MTUS2: variants seen among roughly 807,000 people sequenced by gnomAD.
The protein encoded by MTUS2 is microtubule associated scaffold protein 2.
Under a neutral mutation model 114.1 loss-of-function variants are expected in MTUS2, and 40 were observed. The ratio of observed to expected loss-of-function variants is 0.35; its 90% CI spans 0.27 to 0.46. The LOEUF is 0.46. MTUS2 is among the 20% of genes least tolerant of loss of function. The pLI is 1.00. For missense variants in MTUS2, 1,679 were observed against 1,705.4 expected (o/e 0.98, Z 0.27); for synonymous variants, 688 against 672.0 (o/e 1.02, Z -0.37).
chr13:29,001,923 G>T (rs1194008931), intron 2 of MTUS2, among the ~76,000 whole-genome samples: 2 of 152,122 alleles, frequency 1.3e-5, no homozygotes, highest in Admixed American at 1.3e-4. Context: ...AAGCATTCAG[G>T]TCGCCTCTGT....
intron 5 of MTUS2, among the ~76,000 whole-genome samples, chr13:29,116,735 A>G (rs1209076892): frequency 6.6e-6 from 1 of 152,194 alleles, no homozygotes; most frequent in African/African-American, 2.4e-5. Flanking sequence ...TGAGATGGCT[A>G]TTAAGTGACT....
At chr13:29,077,486 G>A (rs1486639235) in intron 4 of MTUS2, among the ~76,000 whole-genome samples, 1 of 152,088 alleles carries the variant, frequency 6.6e-6, no homozygotes, top group African/African-American at 2.4e-5. Context: ...AGGAAAACAT[G>A]GCCCTTGAAT....
intron 5 of MTUS2, among the ~76,000 whole-genome samples, chr13:29,114,080 G>C (rs1890987588): frequency 6.6e-6 from 1 of 152,046 alleles, no homozygotes; most frequent in Non-Finnish European, 1.5e-5. Context: ...ATGATTGGAA[G>C]CTTCCTGAGG....
intron 9 of MTUS2, among the ~76,000 whole-genome samples, chr13:29,447,971 A>G (rs1462302636): frequency 6.6e-6 from 1 of 152,158 alleles, no homozygotes; most frequent in African/African-American, 2.4e-5. Context: ...ATGTATTTGT[A>G]AGCACTGAAA....
At chr13:28,984,141 G>A (rs919229100) in intron 2 of MTUS2, among the ~76,000 whole-genome samples, 1 of 152,282 alleles carries the variant, frequency 6.6e-6, no homozygotes, top group Non-Finnish European at 1.5e-5. Context: ...AGTTAAGGAC[G>A]ATAGCTGAGC....
rs570720852 is a variant in MTUS2, at chr13:29,405,294, T to G, written c.3118-34689T>G. ...GGAGCATTTTGATTTGCTTCTTAATTAAATCATTTACCAGAAACTAAACAG... is the reference window on the plus strand; with the variant it reads ...GGAGCATTTTGATTTGCTTCTTAATGAAATCATTTACCAGAAACTAAACAG... On this transcript the variant is annotated intron_variant, in intron 8 of 15. Transcript: ENST00000612955. Among the ~76,000 whole-genome samples the G allele has an allele frequency of 2.8e-4, 42 of 152,346 alleles. No individual in the cohort carries two copies. In the South Asian group the frequency reaches 8.7e-3, roughly 32 times the overall value.
intron 5 of MTUS2, among the ~76,000 whole-genome samples, chr13:29,233,853 T>C (rs1034711593): frequency 9.2e-5 from 14 of 152,224 alleles, no homozygotes; most frequent in African/African-American, 3.4e-4. Flanking sequence ...CAGAAGGTTA[T>C]TCTCATCTGA....
At chr13:29,416,042 A>C (rs1875632648) in intron 8 of MTUS2, among the ~76,000 whole-genome samples, 1 of 149,520 alleles carries the variant, frequency 6.7e-6, no homozygotes, top group East Asian at 2.0e-4. Flanking sequence ...CAGCCTCCCG[A>C]GTAGCTGGGA....
chr13:29,038,837 C>T (rs1887204740), intron 4 of MTUS2, among the ~76,000 whole-genome samples: 1 of 152,228 alleles, frequency 6.6e-6, no homozygotes, highest in South Asian at 2.1e-4. Flanking sequence ...GCTTTGTTTA[C>T]ACTGTAAGGG....
chr13:29,263,403 T>C (rs1897549579), intron 5 of MTUS2, among the ~76,000 whole-genome samples: 1 of 152,194 alleles, frequency 6.6e-6, no homozygotes. Flanking sequence ...ACCTTCTGGC[T>C]TAGTTAGAAG....
chr13:29,024,668 C>T lies in MTUS2; in HGVS notation c.-31C>T. ...AGCCCATTTCCATTAAGTAGGACTGCATGGCAAGCAGCCCCACCAAAGGGT... is the reference window on the plus strand; with the variant it reads ...AGCCCATTTCCATTAAGTAGGACTGTATGGCAAGCAGCCCCACCAAAGGGT... On this transcript the variant is annotated 5_prime_UTR_variant, in exon 3 of 16. Coordinates refer to ENST00000612955, the MANE Select transcript of MTUS2 (RefSeq NM_001033602.4). 1 of 1,606,038 alleles carries T rather than the reference C, an allele frequency of 6.2e-7. No individual in the cohort carries two copies. Among genetic ancestry groups the T allele is most frequent in the Non-Finnish European group, 8.5e-7 (1 of 1,176,332 alleles).
chr13:29,452,538 A>T (rs1419702437), intron 9 of MTUS2, among the ~76,000 whole-genome samples: 4 of 149,916 alleles, frequency 2.7e-5, no homozygotes. Flanking sequence ...CTACAGGTGT[A>T]TGCTACTACA....
intron 4 of MTUS2, among the ~76,000 whole-genome samples, chr13:29,099,686 A>G (rs1010450746): frequency 3.9e-5 from 6 of 152,234 alleles, no homozygotes; most frequent in Non-Finnish European, 5.9e-5. Flanking sequence ...AATGGGCAGT[A>G]TATAGGCACT....
At chr13:29,151,366 C>T (rs535361017) in intron 5 of MTUS2, among the ~76,000 whole-genome samples, 7 of 151,736 alleles carry the variant, frequency 4.6e-5, no homozygotes, top group Middle Eastern at 6.8e-3. Flanking sequence ...ATAAAAATAC[C>T]ACCGGTTTTT....
intron 2 of MTUS2, among the ~76,000 whole-genome samples, chr13:28,935,126 A>G (rs1881834204): frequency 1.4e-5 from 2 of 148,014 alleles, no homozygotes. Flanking sequence ...TCAGCACATG[A>G]CATTTTGTAG....
chr13:28,890,699 AT>A (rs1235477479), intron 2 of MTUS2, among the ~76,000 whole-genome samples: 1 of 152,214 alleles, frequency 6.6e-6, no homozygotes, highest in Non-Finnish European at 1.5e-5. Flanking sequence ...TTAGTGGGAT[AT>A]TTTTATGCTA....
intron 5 of MTUS2, among the ~76,000 whole-genome samples, chr13:29,243,776 G>A (rs1012255327): frequency 3.9e-5 from 6 of 152,184 alleles, no homozygotes; most frequent in East Asian, 1.9e-4. Flanking sequence ...GGGGGATGCC[G>A]TTGAAGAACA....
intron 5 of MTUS2, among the ~76,000 whole-genome samples, chr13:29,176,255 G>A (rs1893768111): frequency 6.6e-6 from 1 of 152,064 alleles, no homozygotes; most frequent in Non-Finnish European, 1.5e-5. Flanking sequence ...GCTCCCCATT[G>A]GCTCTTGGTT....
intron 6 of MTUS2, among the ~76,000 whole-genome samples, chr13:29,315,013 A>C (rs1899928897): frequency 6.6e-6 from 1 of 152,224 alleles, no homozygotes; most frequent in Non-Finnish European, 1.5e-5. Context: ...GAGTTTTATC[A>C]TTTATGGCAA....
Sources: allele counts gnomAD v4.1 joint callset (sites outside exome capture counted in the v4.1 genomes callset), GRCh38; gene constraint gnomAD v4.1.1; transcripts MANE v1.5; gene names NCBI Gene and HGNC (gene_info 2026-07-23, HGNC 2026-07-21).